The following SULT1E1 variants were observed in gnomAD, a reference collection of about 807,000 sequenced individuals.
SULT1E1 encodes the protein sulfotransferase family 1E member 1, also known as sulfotransferase 1E1.
A neutral mutation model predicts 33.6 loss-of-function variants in SULT1E1; 36 were observed. The ratio of observed to expected loss-of-function variants is 1.07; its 90% CI spans 0.82 to 1.41. The LOEUF is 1.41. Among genes scored for constraint, SULT1E1 ranks in the 40% most tolerant of loss-of-function variants. The pLI, the probability that SULT1E1 is intolerant of heterozygous loss-of-function variation, is 0.00. For missense variants in SULT1E1, 371 were observed against 345.7 expected (o/e 1.07, Z -0.58); for synonymous variants, 121 against 111.7 (o/e 1.08, Z -0.53).
downstream of SULT1E1, among the ~76,000 whole-genome samples, chr4:69,837,293 T>G (rs916078187): frequency 6.6e-6 from 1 of 152,172 alleles, no homozygotes; most frequent in South Asian, 2.1e-4. Context: ...TATTGAAGAG[T>G]TGTGACAATG....
the SULT1E1 span, among the ~76,000 whole-genome samples, chr4:69,833,026 T>C: frequency 6.6e-6 from 1 of 152,170 alleles, no homozygotes; most frequent in Non-Finnish European, 1.5e-5. Flanking sequence ...TTGAAATGAG[T>C]CTGCCTAACA....
At chr4:69,832,724 A>G in the SULT1E1 span, among the ~76,000 whole-genome samples, 1 of 152,314 alleles carries the variant, frequency 6.6e-6, no homozygotes, top group Non-Finnish European at 1.5e-5. Flanking sequence ...AGACCTGCTC[A>G]GGCACGTCTG....
At chr4:69,839,697 T>C (rs1720846808), downstream of SULT1E1, among the ~76,000 whole-genome samples, 1 of 152,184 alleles carries the variant, frequency 6.6e-6, no homozygotes, top group African/African-American at 2.4e-5. Context: ...CTATGTATTT[T>C]ACCACATGAT....
intron 3 of SULT1E1, 65 bp from the exon 4 acceptor site, chr4:69,854,379 T>G (rs557467390): frequency 5.3e-6 from 5 of 940,336 alleles, no homozygotes; most frequent in South Asian, 5.1e-5. Flanking sequence ...TGGATTTATA[T>G]AGATATTTGT....
chr4:69,823,052 C>G, the SULT1E1 span, among the ~76,000 whole-genome samples: 1 of 152,274 alleles, frequency 6.6e-6, no homozygotes, highest in South Asian at 2.1e-4. Flanking sequence ...GCAGAAAAAT[C>G]AGGAGGGCAA....
the SULT1E1 span, among the ~76,000 whole-genome samples, chr4:69,822,122 C>A: frequency 1.3e-5 from 2 of 152,112 alleles, no homozygotes; most frequent in Admixed American, 6.6e-5. Flanking sequence ...AAACTAATAT[C>A]AATTAGGTTT....
the SULT1E1 span, among the ~76,000 whole-genome samples, chr4:69,826,273 A>C: frequency 6.6e-6 from 1 of 152,160 alleles, no homozygotes; most frequent in African/African-American, 2.4e-5. Context: ...GAGAATGCTT[A>C]GGACTCTAAC....
At chr4:69,834,818 C>A in the SULT1E1 span, among the ~76,000 whole-genome samples, 1 of 151,976 alleles carries the variant, frequency 6.6e-6, no homozygotes, top group African/African-American at 2.4e-5. Flanking sequence ...GTAAATTTCC[C>A]AATAAATATC....
the SULT1E1 span, among the ~76,000 whole-genome samples, chr4:69,824,361 T>C: frequency 6.6e-6 from 1 of 152,136 alleles, no homozygotes; most frequent in African/African-American, 2.4e-5. Context: ...CTCATGGACA[T>C]AGAAAAAGAA....
At chr4:69,840,774 C>T (rs772236029), downstream of SULT1E1, among the ~76,000 whole-genome samples, 20 of 152,136 alleles carry the variant, frequency 1.3e-4, no homozygotes, top group Non-Finnish European at 2.1e-4. Flanking sequence ...GGGCCAGGCG[C>T]GGTGGCTCAC....
the SULT1E1 span, among the ~76,000 whole-genome samples, chr4:69,831,341 A>G: frequency 0.048 from 7,360 of 152,184 alleles, 592 homozygotes; most frequent in African/African-American, 0.17. Context: ...AGTGTCTTAC[A>G]ATATGCTGCC....
the SULT1E1 span, among the ~76,000 whole-genome samples, chr4:69,836,079 T>C: frequency 6.6e-6 from 1 of 152,202 alleles, no homozygotes; most frequent in African/African-American, 2.4e-5. Flanking sequence ...TTACCCAATA[T>C]AGCTTAATTA....
chr4:69,835,817 AC>A, the SULT1E1 span, among the ~76,000 whole-genome samples: 2 of 152,100 alleles, frequency 1.3e-5, no homozygotes, highest in East Asian at 3.9e-4. Context: ...TTTTGTAGAG[AC>A]TGGGTTGTTT....
At chr4:69,829,138 G>A in the SULT1E1 span, among the ~76,000 whole-genome samples, 1 of 152,148 alleles carries the variant, frequency 6.6e-6, no homozygotes, top group Non-Finnish European at 1.5e-5. Flanking sequence ...GCTGGAATAT[G>A]TCCCATTAAA....
downstream of SULT1E1, among the ~76,000 whole-genome samples, chr4:69,841,017 A>G (rs1376346023): frequency 6.6e-6 from 1 of 152,158 alleles, no homozygotes; most frequent in Non-Finnish European, 1.5e-5. Flanking sequence ...ACGCCACTGC[A>G]CTGCAGCCTG....
the SULT1E1 span, among the ~76,000 whole-genome samples, chr4:69,828,352 G>A: frequency 1.3e-5 from 2 of 152,290 alleles, no homozygotes; most frequent in East Asian, 3.9e-4. Flanking sequence ...AACACTCACA[G>A]TGAAGGTCTG....
chr4:69,835,708 T>C, the SULT1E1 span, among the ~76,000 whole-genome samples: 2 of 152,254 alleles, frequency 1.3e-5, no homozygotes, highest in South Asian at 2.1e-4. Context: ...TTGAAATTCA[T>C]ATTATCATTA....
chr4:69,822,362 T>C, the SULT1E1 span, among the ~76,000 whole-genome samples: 1 of 152,104 alleles, frequency 6.6e-6, no homozygotes, highest in Non-Finnish European at 1.5e-5. Flanking sequence ...ATCTCGGCAC[T>C]TTTGGAGGCC....
chr4:69,844,013 A>G lies in SULT1E1; in HGVS notation c.772+148T>C. Reference sequence around the variant, plus strand: ...GGTAATTGCAATGTAATAGAAGTGTAACTTAAAGAGTGTATTCAAATATGA... The same window carrying G: ...GGTAATTGCAATGTAATAGAAGTGTGACTTAAAGAGTGTATTCAAATATGA... On this transcript the variant is annotated intron_variant, in intron 7 of 7. Transcript: ENST00000226444. 7.2e-6 allele frequency: 5 copies of G among 690,294 alleles called. No homozygotes were observed. The South Asian group carries it at 8.6e-5, about 12-fold the overall frequency. The allele number at this position is 690,294 out of a possible 1,614,324, so 42.8% of individuals were successfully genotyped here. A position where few individuals can be genotyped will look rare whatever the true frequency, so the allele number is the denominator to read the frequency against.
Sources: gnomAD v4.1 joint callset for allele counts (sites outside exome capture counted in the v4.1 genomes callset) on GRCh38, gnomAD v4.1.1 for gene constraint, MANE v1.5 for transcripts, NCBI Gene and HGNC (gene_info 2026-07-23, HGNC 2026-07-21) for gene names.